Variants in TNFAIP8L3 observed in about 807,000 individuals in gnomAD.
TNFAIP8L3 encodes TNF alpha induced protein 8 like 3.
A neutral mutation model predicts 11.8 loss-of-function variants in TNFAIP8L3; 7 were observed. The observed-to-expected ratio is 0.59, with a 90% confidence interval of 0.34 to 1.11. TNFAIP8L3 has a LOEUF of 1.11. Ranked by LOEUF, TNFAIP8L3 falls within the 50% of genes most tolerant of loss-of-function variation. The pLI, the probability that TNFAIP8L3 is intolerant of heterozygous loss-of-function variation, is 0.03. For missense variants in TNFAIP8L3, 219 were observed against 258.6 expected (o/e 0.85, Z 1.05); for synonymous variants, 98 against 103.8 (o/e 0.94, Z 0.34).
chr15:51,057,647 T>A lies in TNFAIP8L3; in HGVS notation c.*234A>T. ...AAACAGCCTTTCTGCTTAGAATAGA[T>A]GAAATGTCCTTTGGGCTTGCACACA... On this transcript the variant is annotated 3_prime_UTR_variant, in exon 2 of 2. Coordinates refer to ENST00000637513, the MANE Select transcript of TNFAIP8L3 (RefSeq NM_001311175.2). 2.1e-6 allele frequency: 1 copy of A among 480,572 alleles called. No individual in the cohort carries two copies. The highest frequency in any genetic ancestry group is 3.7e-6 in the Non-Finnish European group (1 of 272,786). 29.8% of individuals were successfully genotyped at this position (480,572 alleles called of 1,614,324 possible).
chr15:51,093,839 A>AT (rs1020737700), intron 1 of TNFAIP8L3, among the ~76,000 whole-genome samples: 3 of 151,556 alleles, frequency 2.0e-5, no homozygotes, highest in African/African-American at 4.9e-5. Context: ...GAGGACATTC[A>AT]TTTTTTTTCT....
At chr15:51,098,530 A>G (rs1211959602), upstream of TNFAIP8L3, among the ~76,000 whole-genome samples, 3 of 152,198 alleles carry the variant, frequency 2.0e-5, no homozygotes, top group African/African-American at 7.2e-5. Context: ...TCCATCTAAC[A>G]GAACATGGTG....
intron 1 of TNFAIP8L3, among the ~76,000 whole-genome samples, chr15:51,072,076 G>A (rs964528143): frequency 6.6e-6 from 1 of 152,050 alleles, no homozygotes; most frequent in African/African-American, 2.4e-5. Context: ...CACAGGGCTG[G>A]CAACTATCTC....
chr15:51,092,862 C>T (rs2065482095), intron 1 of TNFAIP8L3, among the ~76,000 whole-genome samples: 1 of 152,160 alleles, frequency 6.6e-6, no homozygotes, highest in South Asian at 2.1e-4. Context: ...CTCTTCCTTC[C>T]TCTTTCTCTA....
upstream of TNFAIP8L3, among the ~76,000 whole-genome samples, chr15:51,095,473 G>A (rs1400210068): frequency 2.0e-5 from 3 of 152,098 alleles, no homozygotes; most frequent in East Asian, 3.9e-4. Flanking sequence ...AGCGGGTTCC[G>A]GGGGCTCGGT....
chr15:51,059,677 G>A (rs1373863530), intron 1 of TNFAIP8L3, among the ~76,000 whole-genome samples: 1 of 152,258 alleles, frequency 6.6e-6, no homozygotes. Context: ...GAGAAATGCA[G>A]AAGAATAAGA....
upstream of TNFAIP8L3, among the ~76,000 whole-genome samples, chr15:51,098,685 ATTAAT>A (rs1235582620): frequency 7.9e-5 from 12 of 152,278 alleles, no homozygotes; most frequent in Non-Finnish European, 1.6e-4. Flanking sequence ...AAGAATATAA[ATTAAT>A]TCGTAATTTT....
At chr15:51,058,575 C>T (rs1224977952) in intron 1 of TNFAIP8L3, 132 bp from the exon 2 acceptor site, 2 of 793,248 alleles carry the variant, frequency 2.5e-6, no homozygotes, top group East Asian at 2.7e-5. Flanking sequence ...TCCCTCGCTC[C>T]CTAACTAAAC....
At chr15:51,090,813 G>A (rs1193987307) in intron 1 of TNFAIP8L3, among the ~76,000 whole-genome samples, 1 of 152,130 alleles carries the variant, frequency 6.6e-6, no homozygotes, top group Non-Finnish European at 1.5e-5. Flanking sequence ...CTTTTCTGCA[G>A]CACCGACCCA....
intron 1 of TNFAIP8L3, among the ~76,000 whole-genome samples, chr15:51,103,852 A>T (rs954667889): frequency 6.6e-6 from 1 of 152,226 alleles, no homozygotes; most frequent in African/African-American, 2.4e-5. Flanking sequence ...GTTCTGTCCT[A>T]GGAAACAAGC....
chr15:51,092,708 C>T (rs2065480507), intron 1 of TNFAIP8L3, among the ~76,000 whole-genome samples: 1 of 152,200 alleles, frequency 6.6e-6, no homozygotes, highest in African/African-American at 2.4e-5. Flanking sequence ...GGCCTTCTGA[C>T]ACAAACTGAC....
At chr15:51,072,505 T>A (rs571716032) in intron 1 of TNFAIP8L3, among the ~76,000 whole-genome samples, 4 of 152,332 alleles carry the variant, frequency 2.6e-5, no homozygotes, top group African/African-American at 9.6e-5. Flanking sequence ...GGTTTCTGTA[T>A]CTCATTTTAA....
intron 1 of TNFAIP8L3, among the ~76,000 whole-genome samples, chr15:51,059,065 C>T (rs1462150059): frequency 6.6e-6 from 1 of 152,196 alleles, no homozygotes. Context: ...TCAATTTACA[C>T]AAAAGTTGTC....
In TNFAIP8L3 at chr15:51,063,444, A is replaced by T. The variant is rs188017539; in HGVS notation, c.53-5001T>A. 2.7e-3 allele frequency among the ~76,000 whole-genome samples: 411 copies of T among 152,350 alleles called. 2 individuals carry two copies. The highest frequency in any genetic ancestry group is 3.8e-3 in the Non-Finnish European group (261 of 68,030). On this transcript the variant is annotated intron_variant, in intron 1 of 1. Transcript: ENST00000637513. ...AGCGATGTATATTTATCATATGAAG[A>T]ACGAGAAGTAACGAAGATACAACTT...
chr15:51,094,487 C>T lies in TNFAIP8L3; in HGVS notation c.52+57G>A, dbSNP rs527356679. 3.0e-4 allele frequency: 421 copies of T among 1,406,790 alleles called. 2 individuals carry two copies. The African/African-American group carries it at 6.1e-3, about 20-fold the overall frequency. 87.1% of individuals were successfully genotyped at this position (1,406,790 alleles called of 1,614,324 possible). On this transcript the variant is annotated intron_variant, in intron 1 of 1. Coordinates refer to ENST00000637513, the MANE Select transcript of TNFAIP8L3 (RefSeq NM_001311175.2). This position sits in a 1 kb window ranked among gnomAD's most constrained non-coding sequence, Gnocchi z 4.4. ...TCGGCTTCCCGATTTCATGCCCCAG[C>T]CTCCCGTCCTCCCCAGCCCCAGCCC...
intron 1 of TNFAIP8L3, among the ~76,000 whole-genome samples, chr15:51,100,860 TATAAG>T (rs1238285019): frequency 6.6e-6 from 1 of 152,170 alleles, no homozygotes; most frequent in Non-Finnish European, 1.5e-5. Context: ...GGATAAAAGT[TATAAG>T]AAGGGAGAAT....
At chr15:51,095,289 T>TG (rs2065506306), upstream of TNFAIP8L3, among the ~76,000 whole-genome samples, 1 of 11,734 alleles carries the variant, frequency 8.5e-5, no homozygotes, top group African/African-American at 3.1e-4. Flanking sequence ...GGGGGCGGGG[T>TG]GGGGGGAGAT....
intron 1 of TNFAIP8L3, among the ~76,000 whole-genome samples, chr15:51,091,676 GCACA>G (rs3077947): frequency 0.22 from 30,964 of 144,008 alleles, 3,351 homozygotes; most frequent in East Asian, 0.35. Context: ...ACCTCCTCAA[GCACA>G]CACACACACA....
intron 1 of TNFAIP8L3, among the ~76,000 whole-genome samples, chr15:51,078,138 C>T (rs1396087295): frequency 6.6e-6 from 1 of 152,098 alleles, no homozygotes; most frequent in South Asian, 2.1e-4. Flanking sequence ...GAGGGAATGG[C>T]CACGGCAGGA....
Sources: gnomAD v4.1 joint callset for allele counts (sites outside exome capture counted in the v4.1 genomes callset) on GRCh38, gnomAD v4.1.1 for gene constraint, Gnocchi (gnomAD v3.1) non-coding constraint, MANE v1.5 for transcripts, NCBI Gene and HGNC (gene_info 2026-07-23, HGNC 2026-07-21) for gene names.